MOV10L1: variants seen among roughly 807,000 people sequenced by gnomAD.
MOV10L1 encodes the protein RNA helicase Mov10l1.
In MOV10L1, 110 loss-of-function variants were observed where a neutral mutation model predicts 143.8. The ratio of observed to expected loss-of-function variants is 0.76; its 90% CI spans 0.66 to 0.90. The LOEUF (loss-of-function observed/expected upper bound fraction) is 0.90, where lower values mean the gene tolerates loss of function less well. Among genes scored for constraint, MOV10L1 ranks in the 40% least tolerant of loss-of-function variants. MOV10L1 has a pLI of 0.00. For synonymous variants in MOV10L1, 593 were observed against 581.1 expected (o/e 1.02, Z -0.29); for missense variants, 1,406 against 1,526.8 (o/e 0.92, Z 1.32).
intron 5 of MOV10L1, among the ~76,000 whole-genome samples, chr22:50,110,489 T>C (rs933997891): frequency 3.9e-5 from 6 of 151,958 alleles, no homozygotes; most frequent in African/African-American, 1.5e-4. Flanking sequence ...CTTTCAGCCA[T>C]CTCTATGGTT....
chr22:50,101,040 G>A (rs1337969770), intron 3 of MOV10L1, among the ~76,000 whole-genome samples: 1 of 152,092 alleles, frequency 6.6e-6, no homozygotes, highest in Non-Finnish European at 1.5e-5. Context: ...TGGAAAAGCT[G>A]CCTGGGGAAG....
intron 3 of MOV10L1, among the ~76,000 whole-genome samples, chr22:50,104,604 T>C (rs2061823889): frequency 6.6e-6 from 1 of 152,058 alleles, no homozygotes; most frequent in Non-Finnish European, 1.5e-5. Context: ...GTTAACAGAG[T>C]GATTTTATTA....
chr22:50,129,773 T>A (rs749126549), intron 13 of MOV10L1, among the ~76,000 whole-genome samples: 10 of 152,218 alleles, frequency 6.6e-5, no homozygotes, highest in Non-Finnish European at 1.3e-4. Flanking sequence ...TTGATTTACT[T>A]TTCTCTGACT....
At position 50,145,737 on chromosome 22, in the gene MOV10L1, T is replaced by C; in HGVS notation, c.2554T>C (p.Trp852Arg). The C allele has an allele frequency of 6.2e-7, 1 of 1,614,158 alleles. No homozygotes were observed. Among genetic ancestry groups the C allele is most frequent in the South Asian group, 1.1e-5 (1 of 91,080 alleles). The change falls in exon 19 of 27, where the codon TGG (tryptophan) becomes CGG (arginine). Residue 852 changes from tryptophan (W) to arginine (R), a missense_variant. Trp to Arg is a moderately radical substitution (Grantham distance 101, BLOSUM62 -3). Coordinates refer to ENST00000262794, the MANE Select transcript of MOV10L1 (RefSeq NM_018995.3). The part of the protein sequence containing the change: ...KPYCRDGEDI[W>R]KASRFRIIIT... ...GTATTGCAGAGACGGAGAAGACATCTGGAAAGCCTCACGCTTCCGGATAAT... is the reference window on the plus strand; with the variant it reads ...GTATTGCAGAGACGGAGAAGACATCCGGAAAGCCTCACGCTTCCGGATAAT...
chr22:50,113,600 G>A, intron 5 of MOV10L1, 48 bp from the exon 6 acceptor site: 6 of 1,595,518 alleles, frequency 3.8e-6, no homozygotes, highest in Non-Finnish European at 5.1e-6. Flanking sequence ...AGGCGAGGAA[G>A]GGGTGGTGCT....
At chr22:50,153,653 G>T (rs1348794397) in intron 22 of MOV10L1, among the ~76,000 whole-genome samples, 1 of 152,264 alleles carries the variant, frequency 6.6e-6, no homozygotes, top group Admixed American at 6.5e-5. Flanking sequence ...GAAGGCAGCA[G>T]CTGCGATCCC....
At chr22:50,116,973 A>T (rs982297652) in intron 8 of MOV10L1, among the ~76,000 whole-genome samples, 184 bp from the exon 9 acceptor site, 2 of 152,110 alleles carry the variant, frequency 1.3e-5, no homozygotes, top group East Asian at 3.8e-4. Flanking sequence ...GCTTAATTTT[A>T]TCTTGAGAAA....
chr22:50,117,014 C>A, intron 8 of MOV10L1, 143 bp from the exon 9 acceptor site: 3 of 771,926 alleles, frequency 3.9e-6, no homozygotes, highest in African/African-American at 1.7e-5. Context: ...TTTAGAAGAT[C>A]TCTTTTTTCT....
intron 5 of MOV10L1, 46 bp from the exon 6 acceptor site, chr22:50,113,602 G>C: frequency 6.2e-7 from 1 of 1,600,366 alleles, no homozygotes; most frequent in Non-Finnish European, 8.5e-7. Context: ...GCGAGGAAGG[G>C]GTGGTGCTGC....
intron 5 of MOV10L1, among the ~76,000 whole-genome samples, chr22:50,109,445 G>C (rs1463687690): frequency 6.6e-6 from 1 of 151,860 alleles, no homozygotes; most frequent in Admixed American, 6.6e-5. Context: ...CGAGGCGGGT[G>C]AATCATGAGG....
intron 20 of MOV10L1, among the ~76,000 whole-genome samples, 182 bp from the exon 21 acceptor site, chr22:50,150,553 G>A (rs1313499271): frequency 6.6e-6 from 1 of 152,226 alleles, no homozygotes; most frequent in Non-Finnish European, 1.5e-5. Context: ...ACTTCAGGGG[G>A]AAGCGGGGAG....
intron 3 of MOV10L1, 104 bp downstream of exon 3, chr22:50,099,706 G>T (rs2062687461): frequency 7.4e-7 from 1 of 1,350,910 alleles, no homozygotes; most frequent in South Asian, 1.4e-5. Context: ...CCAGCACTTT[G>T]TCAGGCTGAG....
chr22:50,109,735 A>G, intron 5 of MOV10L1: 1 of 174,852 alleles, frequency 5.7e-6, no homozygotes, highest in Non-Finnish European at 1.2e-5. Context: ...CCAGCTACAC[A>G]CGAGGTTGAA....
intron 16 of MOV10L1, 31 bp from the exon 17 acceptor site, chr22:50,143,012 C>G (rs377571767): frequency 7.5e-6 from 12 of 1,606,936 alleles, no homozygotes; most frequent in Non-Finnish European, 1.0e-5. Flanking sequence ...CTGTTTGCAT[C>G]TAACTGAAAC....
At chr22:50,129,499 G>A in intron 13 of MOV10L1, among the ~76,000 whole-genome samples, 1 of 152,196 alleles carries the variant, frequency 6.6e-6, no homozygotes, top group Admixed American at 6.5e-5. Flanking sequence ...TTGCGGTTGT[G>A]TGAATACCCG....
chr22:50,144,285 C>G (rs745759903), intron 18 of MOV10L1, 42 bp downstream of exon 18: 1 of 1,560,782 alleles, frequency 6.4e-7, no homozygotes. Flanking sequence ...CAGAACCCCT[C>G]CCTGGAACAT....
At position 50,159,772 on chromosome 22, in the gene MOV10L1, T is replaced by C; in HGVS notation, c.3311T>C (p.Ile1104Thr). Reference protein sequence around the residue: ...EEFQGQEYLVIIISTVRSNED... With the variant: ...EEFQGQEYLVTIISTVRSNED... Reference sequence around the variant, plus strand: ...TTTCAAGGACAAGAGTATCTGGTCATCATCATTTCGACCGTAGGTATCCCT... The same window carrying C: ...TTTCAAGGACAAGAGTATCTGGTCACCATCATTTCGACCGTAGGTATCCCT... The change falls in exon 24 of 27, where the codon ATC (isoleucine) becomes ACC (threonine). Residue 1104 changes from isoleucine to threonine, a missense_variant. Transcript: ENST00000262794. This position sits in a 1 kb window ranked among gnomAD's most constrained non-coding sequence, Gnocchi z 4.1. 6.2e-7 allele frequency: 1 copy of C among 1,609,834 alleles called. No individual in the cohort carries two copies. Among genetic ancestry groups the C allele is most frequent in the Non-Finnish European group, 8.5e-7 (1 of 1,176,496 alleles).
chr22:50,110,448 C>CAA (rs34675632), intron 5 of MOV10L1, among the ~76,000 whole-genome samples: 1 of 127,462 alleles, frequency 7.8e-6, no homozygotes, highest in Non-Finnish European at 1.7e-5. Flanking sequence ...CACTCCATCT[C>CAA]AAAAAAAAAA....
At position 50,159,561 on chromosome 22, in the gene MOV10L1, C is replaced by T; in HGVS notation, c.3217-117C>T. On this transcript the variant is annotated intron_variant, in intron 23 of 26. Transcript: ENST00000262794. The surrounding 1 kb of genome is among the most constrained non-coding windows in gnomAD (Gnocchi z 4.1). ...AGGTTGCAGTGAGCCGAGATCACGCCACTGCACTGCAGCCTGGGTGACAGA... is the reference window on the plus strand; with the variant it reads ...AGGTTGCAGTGAGCCGAGATCACGCTACTGCACTGCAGCCTGGGTGACAGA... 1 of 584,654 alleles carries T rather than the reference C, an allele frequency of 1.7e-6. No homozygotes were observed. Among genetic ancestry groups the T allele is most frequent in the Non-Finnish European group, 2.9e-6 (1 of 343,170 alleles). The allele number at this position is 584,654 out of a possible 1,614,324, so 36.2% of individuals were successfully genotyped here. A position where few individuals can be genotyped will look rare whatever the true frequency, so the allele number is the denominator to read the frequency against.
Sources: allele counts gnomAD v4.1 joint callset (sites outside exome capture counted in the v4.1 genomes callset), GRCh38; gene constraint gnomAD v4.1.1; non-coding constraint Gnocchi (gnomAD v3.1); transcripts MANE v1.5; gene names NCBI Gene and HGNC (gene_info 2026-07-23, HGNC 2026-07-21).